The following CNDP2 variants were observed in gnomAD, a reference collection of about 807,000 sequenced individuals.
CNDP2 encodes the protein cytosolic non-specific dipeptidase.
In CNDP2, 38 loss-of-function variants were observed where a neutral mutation model predicts 55.0. The ratio of observed to expected loss-of-function variants is 0.69; its 90% CI spans 0.53 to 0.90. CNDP2 has a LOEUF of 0.90. Among genes scored for constraint, CNDP2 ranks in the 40% least tolerant of loss-of-function variants. CNDP2 has a pLI of 0.00. For missense variants in CNDP2, 607 were observed against 621.7 expected, an observed-to-expected ratio of 0.98 and a Z score of 0.25; for synonymous variants, 241 against 260.2, an observed-to-expected ratio of 0.93 and a Z score of 0.71.
At chr18:74,509,465 T>C (rs1568279975) in intron 5 of CNDP2, 4 of 152,486 alleles carry the variant, frequency 2.6e-5, no homozygotes, top group African/African-American at 9.7e-5. Context: ...TGAAACCCCG[T>C]CTCTACTCAA....
At chr18:74,505,794 G>T (rs1004304139) in intron 3 of CNDP2, 55 bp from the exon 4 acceptor site, 93 of 1,600,764 alleles carry the variant, frequency 5.8e-5, no homozygotes, top group Non-Finnish European at 7.6e-5. Context: ...TCCACCTTAA[G>T]CACTGAATTT....
At position 74,512,529 on chromosome 18, in the gene CNDP2, A is replaced by T; in HGVS notation, c.739A>T (p.Met247Leu). The stretch of plus-strand genomic sequence containing the variant: ...GGCCATGACTGATCTCATTTTGCTG[A>T]TGGGTAAGTGCGGGATGGCATTCAG... ...HEAMTDLILL[M>L]GSLVDKRGNI... The change falls in exon 7 of 12, where the codon ATG becomes TTG. Residue 247 changes from methionine (M) to leucine (L), a missense_variant. By Grantham distance (15) the Met-to-Leu change is conservative. Transcript: ENST00000324262. 6.2e-7 allele frequency: 1 copy of T among 1,613,596 alleles called. No individual in the cohort carries two copies. The highest frequency in any genetic ancestry group is 8.5e-7 in the Non-Finnish European group (1 of 1,179,728).
chr18:74,508,388 G>T (rs9962350), intron 4 of CNDP2: 110 of 158,298 alleles, frequency 6.9e-4, no homozygotes, highest in African/African-American at 2.5e-3. Flanking sequence ...ATCAAATTAG[G>T]TGTCACAATT....
rs2144624657 is a variant in CNDP2, at chr18:74,521,906, C to T, written c.*1838C>T. ...CAGTGGAGAGACCTGGCAGGCACCA[C>T]CCTCAGATCAAAATGAACCTCAGCA... On this transcript the variant is annotated 3_prime_UTR_variant, in exon 12 of 12. Transcript: ENST00000324262. The T allele has an allele frequency of 6.6e-6, 1 of 152,444 alleles. No homozygotes were observed. The highest frequency in any genetic ancestry group is 2.1e-4 in the South Asian group (1 of 4,830). 9.4% of individuals were successfully genotyped at this position (152,444 alleles called of 1,614,324 possible). A position where few individuals can be genotyped will look rare whatever the true frequency, so the allele number is the denominator to read the frequency against.
intron 6 of CNDP2, chr18:74,512,190 T>G (rs536097400): frequency 3.0e-5 from 13 of 434,106 alleles, no homozygotes; most frequent in African/African-American, 2.4e-4. Flanking sequence ...GTAGGCAGAT[T>G]GCCCTGTGGA....
Position 74,523,091 on chromosome 18 carries a change from G to T in CNDP2, c.*3023G>T, listed in dbSNP as rs977825421. The T allele has an allele frequency of 1.3e-5, 2 of 152,222 alleles. No individual in the cohort carries two copies. The highest frequency in any genetic ancestry group is 4.8e-5 in the African/African-American group (2 of 41,446). The allele number at this position is 152,222 out of a possible 1,614,324, so 9.4% of individuals were successfully genotyped here. On this transcript the variant is annotated 3_prime_UTR_variant, in exon 12 of 12. Transcript: ENST00000324262. Reference sequence around the variant, plus strand: ...CGACAGCTCCACGTTCCCAGTGCCCGACCCAAGCCTGGCCCATGATCAGAT... The same window carrying T: ...CGACAGCTCCACGTTCCCAGTGCCCTACCCAAGCCTGGCCCATGATCAGAT...
chr18:74,518,397 A>T, intron 9 of CNDP2, 102 bp from the exon 10 acceptor site: 1 of 1,380,808 alleles, frequency 7.2e-7, no homozygotes, highest in South Asian at 1.3e-5. Flanking sequence ...GGCCGATTGT[A>T]AGCTCGCTGT....
At chr18:74,513,840 T>C (rs1979496687) in intron 8 of CNDP2, 121 bp downstream of exon 8, 1 of 988,736 alleles carries the variant, frequency 1.0e-6, no homozygotes, top group Non-Finnish European at 1.5e-6. Flanking sequence ...GAATGTCCGA[T>C]GCACATGAGT....
intron 6 of CNDP2, 24 bp from the exon 7 acceptor site, chr18:74,512,424 A>G (rs757975886): frequency 2.5e-6 from 4 of 1,605,014 alleles, no homozygotes; most frequent in Non-Finnish European, 3.4e-6. Context: ...GCAGCCAGAC[A>G]CAGTGGCCTT....
In CNDP2 at chr18:74,505,840, C is replaced by T. The variant is rs368974315; in HGVS notation, c.205-9C>T. The T allele has an allele frequency of 6.2e-7, 1 of 1,612,892 alleles. No homozygotes were observed. The highest frequency in any genetic ancestry group is 8.5e-7 in the Non-Finnish European group (1 of 1,179,574). On this transcript the variant is annotated splice_polypyrimidine_tract_variant and intron_variant, in intron 3 of 11. Coordinates refer to ENST00000324262, the MANE Select transcript of CNDP2 (RefSeq NM_018235.3). The stretch of plus-strand genomic sequence containing the variant: ...GGCTGTCCTTGGTTCCTTTCCTCTC[C>T]ATGCTCAGCTCCCTGATGGCTCGGA...
At position 74,513,650 on chromosome 18, in the gene CNDP2, C is replaced by T. The variant is rs776303214; in HGVS notation, c.834C>T (p.Asp278=). ...CGGAAGAGGAGCACAAGCTGTACGACGACATCGACTTTGACATAGAGGAGT... is the reference window on the plus strand; with the variant it reads ...CGGAAGAGGAGCACAAGCTGTACGATGACATCGACTTTGACATAGAGGAGT... ...AVTEEEHKLY[D]DIDFDIEEFA... is the part of the protein sequence containing the mutation. Residue 278 remains aspartate, a synonymous_variant, in exon 8 of 12, where the codon GAC becomes GAT. Transcript: ENST00000324262. 51 of 1,613,986 alleles carry T rather than the reference C, an allele frequency of 3.2e-5. No homozygotes were observed. The East Asian group carries it at 3.3e-4, about 11-fold the overall frequency.
chr18:74,500,043 T>C lies in CNDP2; in HGVS notation c.60+10T>C. 1 of 1,610,984 alleles carries C rather than the reference T, an allele frequency of 6.2e-7. No individual in the cohort carries two copies. The highest frequency in any genetic ancestry group is 8.5e-7 in the Non-Finnish European group (1 of 1,177,298). On this transcript the variant is annotated intron_variant, in intron 2 of 11. Coordinates refer to ENST00000324262, the MANE Select transcript of CNDP2 (RefSeq NM_018235.3). Reference sequence around the variant, plus strand: ...GGATCGCTACATTAAGGTAAGGGAATATTCATTTTAGGAAACAGTAAAATC... The same window carrying C: ...GGATCGCTACATTAAGGTAAGGGAACATTCATTTTAGGAAACAGTAAAATC...
At chr18:74,505,806 T>A (rs1365555661) in intron 3 of CNDP2, 43 bp from the exon 4 acceptor site, 2 of 1,610,272 alleles carry the variant, frequency 1.2e-6, no homozygotes, top group Non-Finnish European at 1.7e-6. Flanking sequence ...ACTGAATTTC[T>A]TAAACAAAGG....
rs1051102937 is a variant in CNDP2, at chr18:74,499,736, G to A, written c.-92-146G>A. ...TTTTCCTTCCAAGTAAAGAAGGGAA[G>A]TTTAGCCCCAGCCTCTAACTGGTTC... On this transcript the variant is annotated intron_variant, in intron 1 of 11. Transcript: ENST00000324262. The A allele has an allele frequency of 3.4e-5, 14 of 415,062 alleles. No homozygotes were observed. In the South Asian group the frequency reaches 9.0e-4, roughly 27 times the overall value. 25.7% of individuals were successfully genotyped at this position (415,062 alleles called of 1,614,324 possible).
intron 1 of CNDP2, among the ~76,000 whole-genome samples, chr18:74,496,862 G>A (rs1365249): frequency 0.36 from 53,982 of 151,946 alleles, 9,721 homozygotes; most frequent in African/African-American, 0.41. Context: ...TTTCTCCAAC[G>A]GATCCCTTTC....
At chr18:74,506,102 T>C in intron 4 of CNDP2, 91 bp downstream of exon 4, 1 of 1,125,752 alleles carries the variant, frequency 8.9e-7, no homozygotes, top group Non-Finnish European at 1.2e-6. Flanking sequence ...CAGTACAGAC[T>C]GTTTTTATTT....
intron 2 of CNDP2, among the ~76,000 whole-genome samples, chr18:74,500,403 T>C (rs1978626462): frequency 6.6e-6 from 1 of 152,246 alleles, no homozygotes; most frequent in South Asian, 2.1e-4. Flanking sequence ...TCTTCGTACA[T>C]ACATTACAGA....
Position 74,513,403 on chromosome 18 carries a change from C to T in CNDP2, c.743-156C>T, listed in dbSNP as rs529468810. ...GCATCTGCGAGCATCATTCTGTGGA[C>T]GCTTGTGGCTGCTCTTGGCCCCTCC... On this transcript the variant is annotated intron_variant, in intron 7 of 11. Coordinates refer to ENST00000324262, the MANE Select transcript of CNDP2 (RefSeq NM_018235.3). 3.8e-3 allele frequency among the ~76,000 whole-genome samples: 573 copies of T among 152,150 alleles called. 2 individuals carry two copies. The highest frequency in any genetic ancestry group is 0.013 in the African/African-American group (545 of 41,536).
Position 74,522,056 on chromosome 18 carries a change from A to C in CNDP2, c.*1988A>C, listed in dbSNP as rs1397046041. ...CCCAAACGGATGAAATGTGAGGAAA[A>C]TCTGTAGTTGGTTTTACGTGGATGT... On this transcript the variant is annotated 3_prime_UTR_variant, in exon 12 of 12. Coordinates refer to ENST00000324262, the MANE Select transcript of CNDP2 (RefSeq NM_018235.3). The C allele has an allele frequency of 6.6e-6, 1 of 152,216 alleles. No individual in the cohort carries two copies. The highest frequency in any genetic ancestry group is 2.4e-5 in the African/African-American group (1 of 41,442). The allele number at this position is 152,216 out of a possible 1,614,324, so 9.4% of individuals were successfully genotyped here. A position where few individuals can be genotyped will look rare whatever the true frequency, so the allele number is the denominator to read the frequency against.
Sources: gnomAD v4.1 joint callset for allele counts (sites outside exome capture counted in the v4.1 genomes callset) on GRCh38, gnomAD v4.1.1 for gene constraint, MANE v1.5 for transcripts, NCBI Gene and HGNC (gene_info 2026-07-23, HGNC 2026-07-21) for gene names.